The following MLLT3 variants were observed in gnomAD, a reference collection of about 807,000 sequenced individuals.
MLLT3 encodes MLLT3 super elongation complex subunit, also known as protein AF-9.
MLLT3 carries 4 observed loss-of-function variants against 53.2 expected under a neutral mutation model. The observed-to-expected ratio is 0.08, with a 90% CI of 0.04 to 0.17. The LOEUF is 0.17. Ranked by LOEUF, MLLT3 falls within the 10% of genes least tolerant of loss-of-function variation. MLLT3 has a pLI of 1.00. For synonymous variants in MLLT3, 283 were observed against 230.6 expected (o/e 1.23, Z -2.06); for missense variants, 569 against 684.0 (o/e 0.83, Z 1.87).
chr9:20,475,910 C>G (rs1824509212), intron 2 of MLLT3, among the ~76,000 whole-genome samples: 1 of 152,046 alleles, frequency 6.6e-6, no homozygotes, highest in African/African-American at 2.4e-5. Context: ...ACAAAATTGT[C>G]CTACTGAAAC....
intron 8 of MLLT3, 94 bp downstream of exon 8, chr9:20,360,648 G>T (rs1821297707): frequency 1.9e-6 from 2 of 1,039,914 alleles, no homozygotes; most frequent in Non-Finnish European, 3.0e-6. Context: ...GAGGAAGTTT[G>T]TTTAAAATTC....
chr9:20,515,771 A>G (rs1474207794), intron 2 of MLLT3, among the ~76,000 whole-genome samples: 1 of 152,156 alleles, frequency 6.6e-6, no homozygotes, highest in Non-Finnish European at 1.5e-5. Flanking sequence ...CGGAGTCATA[A>G]CAGGCAGCAG....
In MLLT3 at chr9:20,345,865, G is replaced by A. The variant is rs188389661; in HGVS notation, c.*578C>T. On this transcript the variant is annotated 3_prime_UTR_variant, in exon 11 of 11. Transcript: ENST00000380338. ...AAAGGTGGAAAATACAGACTGCAAC[G>A]AGTTAAAGGACTTGGAAAAAGTTGG... 8.8e-6 allele frequency: 2 copies of A among 228,260 alleles called. No homozygotes were observed. The highest frequency in any genetic ancestry group is 2.2e-5 in the African/African-American group (1 of 45,168). 14.1% of individuals were successfully genotyped at this position (228,260 alleles called of 1,614,324 possible).
At chr9:20,575,984 G>C (rs140057258) in intron 2 of MLLT3, among the ~76,000 whole-genome samples, 1 of 152,142 alleles carries the variant, frequency 6.6e-6, no homozygotes, top group Non-Finnish European at 1.5e-5. Flanking sequence ...ATCGAAGGCC[G>C]TTTCACCTAC....
intron 2 of MLLT3, among the ~76,000 whole-genome samples, chr9:20,608,527 T>C (rs1820624821): frequency 6.6e-6 from 1 of 151,892 alleles, no homozygotes; most frequent in Non-Finnish European, 1.5e-5. Flanking sequence ...ATAACTTCAA[T>C]ACAAAATGTT....
At position 20,363,529 on chromosome 9, in the gene MLLT3, G is replaced by A; in HGVS notation, c.1278C>T (p.Asp426=). 1 of 1,614,084 alleles carries A rather than the reference G, an allele frequency of 6.2e-7. No individual in the cohort carries two copies. Among genetic ancestry groups the A allele is most frequent in the South Asian group, 1.1e-5 (1 of 91,076 alleles). Residue 426 remains aspartate (D), a synonymous_variant, in exon 7 of 11, where the codon GAC becomes GAT. Coordinates refer to ENST00000380338, the MANE Select transcript of MLLT3 (RefSeq NM_004529.4). ...EEESDEVEDN[D]NDSEMERPVN... ...CAGGCCTCTCCATTTCAGAGTCATT[G>A]TCGTTATCCTCCACTTCATCTGATT...
intron 2 of MLLT3, among the ~76,000 whole-genome samples, chr9:20,464,522 G>A (rs1051141314): frequency 5.9e-5 from 9 of 152,038 alleles, no homozygotes; most frequent in Non-Finnish European, 1.3e-4. Flanking sequence ...AGTGACAAGT[G>A]CTACATAAAA....
chr9:20,345,037 G>T lies in MLLT3; in HGVS notation c.*1406C>A, dbSNP rs779930347. On this transcript the variant is annotated 3_prime_UTR_variant, in exon 11 of 11. Transcript: ENST00000380338. ...TCATTTCTCCACTTATGGAGAAGAT[G>T]GAATAATGACACCAAAAGTACTTTG... 2.3e-5 allele frequency: 5 copies of T among 215,980 alleles called. No homozygotes were observed. The highest frequency in any genetic ancestry group is 3.7e-5 in the Non-Finnish European group (4 of 107,228). 13.4% of individuals were successfully genotyped at this position (215,980 alleles called of 1,614,324 possible).
At chr9:20,477,507 CA>C (rs1426478997) in intron 2 of MLLT3, among the ~76,000 whole-genome samples, 14 of 152,254 alleles carry the variant, frequency 9.2e-5, no homozygotes, top group African/African-American at 3.4e-4. Context: ...CTGAAGCTGA[CA>C]ACCTATCACC....
rs1451817067 is a variant in MLLT3 at position 20,572,569 on chromosome 9, G to A, written c.193+48085C>T. ...AGCACTTTGGAAGGCCGAGGCAGGC[G>A]AATCACTTGAGGTCAGGGATTCGAG... On this transcript the variant is annotated intron_variant, in intron 2 of 10. Transcript: ENST00000380338. 8.5e-5 allele frequency among the ~76,000 whole-genome samples: 13 copies of A among 152,274 alleles called. No individual in the cohort carries two copies. In the South Asian group the frequency reaches 2.1e-3, roughly 24 times the overall value.
At chr9:20,512,293 T>C (rs12553780) in intron 2 of MLLT3, among the ~76,000 whole-genome samples, 14 of 152,338 alleles carry the variant, frequency 9.2e-5, no homozygotes, top group Admixed American at 8.5e-4. Flanking sequence ...AGATGTTTAA[T>C]ACAGCAACAG....
chr9:20,409,357 C>A (rs1822665907), intron 5 of MLLT3, among the ~76,000 whole-genome samples: 2 of 152,068 alleles, frequency 1.3e-5, no homozygotes, highest in South Asian at 4.1e-4. Context: ...TCTTCAGGAG[C>A]AAAATTATAT....
intron 2 of MLLT3, among the ~76,000 whole-genome samples, chr9:20,523,061 A>G (rs1818107383): frequency 6.6e-6 from 1 of 152,232 alleles, no homozygotes; most frequent in Non-Finnish European, 1.5e-5. Flanking sequence ...AATGGGCCAA[A>G]GACCTTAACA....
At chr9:20,554,510 G>C (rs550268460) in intron 2 of MLLT3, among the ~76,000 whole-genome samples, 2 of 152,220 alleles carry the variant, frequency 1.3e-5, no homozygotes, top group East Asian at 3.9e-4. Context: ...TGTTACAACA[G>C]TCCATATAAG....
intron 3 of MLLT3, among the ~76,000 whole-genome samples, chr9:20,456,313 A>C (rs993773446): frequency 8.5e-5 from 13 of 152,222 alleles, no homozygotes; most frequent in Non-Finnish European, 1.6e-4. Flanking sequence ...TGTGGGTACC[A>C]GCTAAAGATA....
intron 5 of MLLT3, among the ~76,000 whole-genome samples, chr9:20,400,675 G>C (rs1822432377): frequency 1.3e-5 from 2 of 151,692 alleles, no homozygotes; most frequent in African/African-American, 2.4e-5. Context: ...GTCCATGAAG[G>C]GTTTACTATT....
At chr9:20,480,313 A>T (rs1824629809) in intron 2 of MLLT3, among the ~76,000 whole-genome samples, 1 of 152,198 alleles carries the variant, frequency 6.6e-6, no homozygotes, top group African/African-American at 2.4e-5. Context: ...GGGCCTAAAA[A>T]TAAATGCATG....
At chr9:20,609,288 A>C (rs1022174854) in intron 2 of MLLT3, among the ~76,000 whole-genome samples, 3 of 152,220 alleles carry the variant, frequency 2.0e-5, no homozygotes, top group South Asian at 2.1e-4. Flanking sequence ...GCTTTTCAAA[A>C]CAACTTCAAT....
At chr9:20,551,043 C>T (rs570342151) in intron 2 of MLLT3, among the ~76,000 whole-genome samples, 99 of 152,286 alleles carry the variant, frequency 6.5e-4, no homozygotes, top group Non-Finnish European at 1.2e-3. Flanking sequence ...GGATTACAGG[C>T]GTGGGCCACA....
Sources: allele counts gnomAD v4.1 joint callset (sites outside exome capture counted in the v4.1 genomes callset), GRCh38; gene constraint gnomAD v4.1.1; transcripts MANE v1.5; gene names NCBI Gene and HGNC (gene_info 2026-07-23, HGNC 2026-07-21).